Variants in SMC4 observed in about 807,000 individuals in gnomAD.
SMC4 encodes the protein structural maintenance of chromosomes 4, also known as structural maintenance of chromosomes protein 4.
SMC4 carries 87 observed loss-of-function variants against 145.6 expected under a neutral mutation model. The observed-to-expected ratio is 0.60, with a 90% CI of 0.50 to 0.71. The LOEUF is 0.71. Ranked by LOEUF, SMC4 falls within the 30% of genes least tolerant of loss-of-function variation. The pLI, the probability that SMC4 is intolerant of heterozygous loss-of-function variation, is 0.00. For synonymous variants in SMC4, 558 were observed against 500.7 expected, an observed-to-expected ratio of 1.11 and a Z score of -1.53; for missense variants, 1,447 against 1,537.1, an observed-to-expected ratio of 0.94 and a Z score of 0.98.
At chr3:160,413,962 C>A in intron 8 of SMC4, 1 of 317,084 alleles carries the variant, frequency 3.2e-6, no homozygotes, top group Non-Finnish European at 5.9e-6. Context: ...TTTATCATGT[C>A]CCTACTTGAT....
chr3:160,406,897 C>CA (rs1715393764), intron 5 of SMC4, among the ~76,000 whole-genome samples: 1 of 152,142 alleles, frequency 6.6e-6, no homozygotes, highest in South Asian at 2.1e-4. Context: ...TCCTTAAAGA[C>CA]ACATACATGC....
chr3:160,411,845 C>A, intron 5 of SMC4, 75 bp from the exon 6 acceptor site: 2 of 1,247,432 alleles, frequency 1.6e-6, no homozygotes, highest in Non-Finnish European at 2.2e-6. Flanking sequence ...TATTATTTAA[C>A]TGCTCCCAAT....
chr3:160,408,873 G>T (rs536624528), intron 5 of SMC4, among the ~76,000 whole-genome samples: 2 of 152,082 alleles, frequency 1.3e-5, no homozygotes, highest in Non-Finnish European at 2.9e-5. Flanking sequence ...GGTTGTCATT[G>T]TAATACCACA....
intron 8 of SMC4, 55 bp from the exon 9 acceptor site, chr3:160,414,312 T>C: frequency 2.1e-6 from 3 of 1,434,060 alleles, no homozygotes; most frequent in Non-Finnish European, 2.9e-6. Flanking sequence ...GGAAATGTGG[T>C]TTTAAAATAT....
chr3:160,433,484 C>CA (rs1718646225), intron 23 of SMC4, 173 bp from the exon 24 acceptor site: 1 of 552,990 alleles, frequency 1.8e-6, no homozygotes, highest in African/African-American at 1.9e-5. Context: ...CACTAGAAGT[C>CA]AAAATAACCA....
Position 160,433,777 on chromosome 3 carries a change from C to T in SMC4, c.3835C>T (p.Pro1279Ser), listed in dbSNP as rs760237161. ...YNITKSVAVN[P>S]KEIASKGLC Reference sequence around the variant, plus strand: ...CATAACAAAAAGTGTTGCTGTAAATCCAAAAGAAATTGCATCTAAGGGACT... The same window carrying T: ...CATAACAAAAAGTGTTGCTGTAAATTCAAAAGAAATTGCATCTAAGGGACT... Residue 1279 changes from proline (P) to serine (S), a missense_variant, in exon 24 of 24, where the codon CCA becomes TCA. Physicochemically the swap from Pro to Ser is moderately conservative, Grantham distance 74. Transcript: ENST00000357388. 6.2e-7 allele frequency: 1 copy of T among 1,604,032 alleles called. No individual in the cohort carries two copies. The highest frequency in any genetic ancestry group is 1.1e-5 in the South Asian group (1 of 87,980).
chr3:160,411,934 A>G lies in SMC4; in HGVS notation c.702A>G (p.Gln234=). The change falls in exon 6 of 24, where the codon CAA becomes CAG. Residue 234 remains glutamine, a synonymous_variant. Transcript: ENST00000357388. ...TTTTTTTAAAGGGTGAAGTTGAACAAATTGCTATGATGAAACCAAAAGGCC... is the reference window on the plus strand; with the variant it reads ...TTTTTTTAAAGGGTGAAGTTGAACAGATTGCTATGATGAAACCAAAAGGCC... ...RFLILQGEVE[Q]IAMMKPKGQT... is the part of the protein sequence containing the mutation. The G allele has an allele frequency of 6.2e-7, 1 of 1,612,764 alleles. No homozygotes were observed. The highest frequency in any genetic ancestry group is 8.5e-7 in the Non-Finnish European group (1 of 1,179,350).
In SMC4 at chr3:160,428,681, G is replaced by A; in HGVS notation, c.2606-72G>A. 5 of 1,395,256 alleles carry A rather than the reference G, an allele frequency of 3.6e-6. No homozygotes were observed. In the South Asian group the frequency reaches 6.8e-5, roughly 19 times the overall value. The allele number at this position is 1,395,256 out of a possible 1,614,324, so 86.4% of individuals were successfully genotyped here. On this transcript the variant is annotated intron_variant, in intron 17 of 23. Transcript: ENST00000357388. ...ATCACGTCAAGTCATAGCAACTGAA[G>A]AAATGTACATCTAACAAATGATGTT...
chr3:160,433,911 A>G lies in SMC4; in HGVS notation c.*102A>G. 1 of 790,180 alleles carries G rather than the reference A, an allele frequency of 1.3e-6. No homozygotes were observed. Among genetic ancestry groups the G allele is most frequent in the Non-Finnish European group, 2.0e-6 (1 of 500,748 alleles). The allele number at this position is 790,180 out of a possible 1,614,324, so 48.9% of individuals were successfully genotyped here. A position where few individuals can be genotyped will look rare whatever the true frequency, so the allele number is the denominator to read the frequency against. ...ATAAAATACATACTCCCTAAACTAG[A>G]TCATGAAACTGGTTTCTGTTTTATG... On this transcript the variant is annotated 3_prime_UTR_variant, in exon 24 of 24. Transcript: ENST00000357388.
chr3:160,401,370 C>T (rs551330738), intron 2 of SMC4, among the ~76,000 whole-genome samples: 2 of 152,248 alleles, frequency 1.3e-5, no homozygotes, highest in South Asian at 4.1e-4. Flanking sequence ...CCTAACCTCA[C>T]CTCCGTGGTG....
chr3:160,407,689 T>G (rs2108456178), intron 5 of SMC4, among the ~76,000 whole-genome samples: 1 of 152,256 alleles, frequency 6.6e-6, no homozygotes, highest in South Asian at 2.1e-4. Flanking sequence ...TCACATAAAC[T>G]ACTTGGGTTC....
Position 160,433,893 on chromosome 3 carries a change from A to G in SMC4, c.*84A>G. ...TAAAGGATTATGAGTTGTATAAAAT[A>G]CATACTCCCTAAACTAGATCATGAA... is the stretch of plus-strand genomic sequence containing the variant. On this transcript the variant is annotated 3_prime_UTR_variant, in exon 24 of 24. Transcript: ENST00000357388. 1.0e-6 allele frequency: 1 copy of G among 994,876 alleles called. No homozygotes were observed. The allele number at this position is 994,876 out of a possible 1,614,324, so 61.6% of individuals were successfully genotyped here. A position where few individuals can be genotyped will look rare whatever the true frequency, so the allele number is the denominator to read the frequency against.
chr3:160,424,777 T>C (rs1013593737), intron 15 of SMC4, 90 bp from the exon 16 acceptor site: 3 of 1,485,640 alleles, frequency 2.0e-6, no homozygotes, highest in South Asian at 2.3e-5. Flanking sequence ...GCCATTGCAC[T>C]CCAGCCTGGG....
At chr3:160,424,844 C>G (rs2108492990) in intron 15 of SMC4, 23 bp from the exon 16 acceptor site, 2 of 1,609,872 alleles carry the variant, frequency 1.2e-6, no homozygotes, top group Non-Finnish European at 8.5e-7. Flanking sequence ...TGAAATGGCT[C>G]TTAGAGAAAA....
chr3:160,402,135 C>A, intron 3 of SMC4, 42 bp downstream of exon 3: 1 of 1,291,210 alleles, frequency 7.7e-7, no homozygotes. Context: ...TTTTAAATAA[C>A]TATTGTAAGG....
chr3:160,414,247 A>G lies in SMC4; in HGVS notation c.1122-120A>G, dbSNP rs759144613. 46 of 818,314 alleles carry G rather than the reference A, an allele frequency of 5.6e-5. No individual in the cohort carries two copies. The South Asian group carries it at 6.1e-4, about 11-fold the overall frequency. The allele number at this position is 818,314 out of a possible 1,614,324, so 50.7% of individuals were successfully genotyped here. A position where few individuals can be genotyped will look rare whatever the true frequency, so the allele number is the denominator to read the frequency against. ...ATCATCTTGGAATAAGGAGAGTTTT[A>G]GGATCCTGCCTTATTAAGAGCCTGG... On this transcript the variant is annotated intron_variant, in intron 8 of 23. Transcript: ENST00000357388.
intron 13 of SMC4, among the ~76,000 whole-genome samples, chr3:160,421,770 A>T (rs1717203348): frequency 6.6e-6 from 1 of 152,130 alleles, no homozygotes; most frequent in African/African-American, 2.4e-5. Flanking sequence ...ATTTTAAAGT[A>T]TGTAATTTGG....
intron 14 of SMC4, 34 bp downstream of exon 14, chr3:160,423,684 T>C (rs759271541): frequency 5.6e-6 from 9 of 1,598,364 alleles, no homozygotes; most frequent in Non-Finnish European, 4.3e-6. Context: ...TTTGTTTTTT[T>C]TTCCCCCCAC....
rs767472217 is a variant in SMC4, at chr3:160,423,579, C to T, written c.2174C>T (p.Thr725Ile). The T allele has an allele frequency of 1.9e-6, 3 of 1,613,720 alleles. No homozygotes were observed. The highest frequency in any genetic ancestry group is 2.5e-6 in the Non-Finnish European group (3 of 1,179,858). The part of the protein sequence containing the change: ...TLVADNLDQA[T>I]RVAYQKDRRW... ...GTAGCTGACAACTTGGATCAAGCCA[C>T]AAGAGTAGCATATCAAAAAGATAGA... The change falls in exon 14 of 24, where the codon ACA becomes ATA. Residue 725 changes from threonine (T) to isoleucine (I), a missense_variant. Physicochemically the swap from Thr to Ile is moderately conservative, Grantham distance 89 (BLOSUM62 -1). Coordinates refer to ENST00000357388, the MANE Select transcript of SMC4 (RefSeq NM_001002800.3).
Sources: gnomAD v4.1 joint callset for allele counts (sites outside exome capture counted in the v4.1 genomes callset) on GRCh38, gnomAD v4.1.1 for gene constraint, MANE v1.5 for transcripts, NCBI Gene and HGNC (gene_info 2026-07-23, HGNC 2026-07-21) for gene names.